TCEANC2: variants seen among roughly 807,000 people sequenced by gnomAD.
TCEANC2 encodes transcription elongation factor A N-terminal and central domain-containing protein 2.
A neutral mutation model predicts 22.8 loss-of-function variants in TCEANC2; 20 were observed. The ratio of observed to expected loss-of-function variants is 0.88; its 90% CI spans 0.62 to 1.28. The LOEUF is 1.28. Among genes scored for constraint, TCEANC2 ranks in the 50% most tolerant of loss-of-function variants. The pLI is 0.00. For missense variants in TCEANC2, 251 were observed against 249.7 expected (o/e 1.01, Z -0.03); for synonymous variants, 84 against 95.5 (o/e 0.88, Z 0.70).
At chr1:54,090,882 C>T (rs12059569) in intron 4 of TCEANC2, among the ~76,000 whole-genome samples, 49 of 152,208 alleles carry the variant, frequency 3.2e-4, no homozygotes, top group African/African-American at 1.0e-3. Context: ...AATAACAAAG[C>T]TATGCTTGTA....
chr1:54,063,614 G>A (rs1207124581), intron 2 of TCEANC2, among the ~76,000 whole-genome samples: 1 of 152,156 alleles, frequency 6.6e-6, no homozygotes, highest in Admixed American at 6.5e-5. Flanking sequence ...GTACCCAAAG[G>A]AAATGCTCAT....
chr1:54,094,281 A>C (rs565306562), intron 4 of TCEANC2, among the ~76,000 whole-genome samples: 2 of 151,924 alleles, frequency 1.3e-5, no homozygotes, highest in Admixed American at 1.3e-4. Context: ...TGTTTTTTCT[A>C]CTTACTTTGG....
intron 3 of TCEANC2, among the ~76,000 whole-genome samples, chr1:54,071,845 T>C (rs1477857522): frequency 2.0e-5 from 3 of 152,128 alleles, no homozygotes; most frequent in Non-Finnish European, 2.9e-5. Context: ...AGGGTCTTTC[T>C]GTGTCACCCA....
chr1:54,093,900 C>T (rs548855767), intron 4 of TCEANC2, among the ~76,000 whole-genome samples: 4 of 152,220 alleles, frequency 2.6e-5, no homozygotes, highest in East Asian at 1.9e-4. Context: ...AGCCTCATAC[C>T]GGGATAAGGA....
chr1:54,109,950 G>GCTCCTCAAGT (rs1658815325), downstream of TCEANC2, among the ~76,000 whole-genome samples: 1 of 152,212 alleles, frequency 6.6e-6, no homozygotes, highest in Admixed American at 6.5e-5. Flanking sequence ...CTTGAGGCCA[G>GCTCCTCAAGT]CTCATAAGGG....
intron 2 of TCEANC2, among the ~76,000 whole-genome samples, chr1:54,056,546 C>T (rs1176252281): frequency 5.3e-5 from 8 of 151,880 alleles, no homozygotes; most frequent in South Asian, 4.2e-4. Context: ...AGGCTGGTCT[C>T]GAACTCCTGA....
At position 54,101,168 on chromosome 1, in the gene TCEANC2, C is replaced by T. The variant is rs1658655852; in HGVS notation, c.*4695C>T. The T allele has an allele frequency of 6.6e-6, 1 of 152,122 alleles. No individual in the cohort carries two copies. The highest frequency in any genetic ancestry group is 2.4e-5 in the African/African-American group (1 of 41,414). The allele number at this position is 152,122 out of a possible 1,614,324, so 9.4% of individuals were successfully genotyped here. On this transcript the variant is annotated 3_prime_UTR_variant, in exon 5 of 5. Coordinates refer to ENST00000234827, the MANE Select transcript of TCEANC2 (RefSeq NM_153035.3). ...GGTTTTCTTTTGCTGTAGCCTCAGG[C>T]CTCAGAACCTTACTCTGAGATTGGT...
intron 3 of TCEANC2, among the ~76,000 whole-genome samples, chr1:54,073,918 T>G (rs1344961040): frequency 6.6e-6 from 1 of 152,136 alleles, no homozygotes; most frequent in Non-Finnish European, 1.5e-5. Flanking sequence ...GGAATGAAGA[T>G]GAAGCAGTGA....
intron 3 of TCEANC2, among the ~76,000 whole-genome samples, chr1:54,071,525 C>G (rs1184577241): frequency 6.6e-6 from 1 of 152,098 alleles, no homozygotes; most frequent in African/African-American, 2.4e-5. Context: ...CAGGAAAGAA[C>G]AAGAAAACAA....
rs114335129 is a variant in TCEANC2 at position 54,079,249 on chromosome 1, A to G, written c.245-9348A>G. ...CTTCTTACAAAGTACTTTCACATCT[A>G]TGACCTTGTTTGATCTATATAACAG... On this transcript the variant is annotated intron_variant, in intron 3 of 4. Coordinates refer to ENST00000234827, the MANE Select transcript of TCEANC2 (RefSeq NM_153035.3). Among the ~76,000 whole-genome samples, 1,068 of 152,280 alleles carry G rather than the reference A, an allele frequency of 7.0e-3. 14 individuals carry two copies. Among genetic ancestry groups the G allele is most frequent in the African/African-American group, 0.024 (1,011 of 41,528 alleles).
chr1:54,055,047 G>T (rs938084643), intron 2 of TCEANC2, among the ~76,000 whole-genome samples: 3 of 152,086 alleles, frequency 2.0e-5, no homozygotes, highest in Non-Finnish European at 2.9e-5. Flanking sequence ...GCACGATCTT[G>T]ACTCACTGCA....
downstream of TCEANC2, among the ~76,000 whole-genome samples, chr1:54,108,448 A>G (rs914433306): frequency 1.3e-5 from 2 of 152,202 alleles, no homozygotes; most frequent in African/African-American, 2.4e-5. Context: ...TGTCCTTATA[A>G]GAAGAGATTA....
In TCEANC2 at chr1:54,102,576, G is replaced by A. The variant is rs2100394648; in HGVS notation, c.*6103G>A. On this transcript the variant is annotated 3_prime_UTR_variant, in exon 5 of 5. Coordinates refer to ENST00000234827, the MANE Select transcript of TCEANC2 (RefSeq NM_153035.3). ...CCTAAGATAGAAATAATACAACTGG[G>A]GTTGGGCATAGCAGGGCCAGAGGGC... The A allele has an allele frequency of 6.6e-6, 1 of 152,434 alleles. No individual in the cohort carries two copies. The highest frequency in any genetic ancestry group is 1.5e-5 in the Non-Finnish European group (1 of 68,108). The allele number at this position is 152,434 out of a possible 1,614,324, so 9.4% of individuals were successfully genotyped here.
intron 4 of TCEANC2, among the ~76,000 whole-genome samples, chr1:54,090,861 A>T (rs1279766298): frequency 1.3e-5 from 2 of 152,198 alleles, no homozygotes; most frequent in African/African-American, 4.8e-5. Flanking sequence ...GTATCTTTTT[A>T]AGTAAATGAT....
chr1:54,053,980 T>C (rs1380919129), intron 1 of TCEANC2: 2 of 186,804 alleles, frequency 1.1e-5, no homozygotes, highest in Non-Finnish European at 2.2e-5. Context: ...GGGCAACCCT[T>C]GGGATTATGG....
chr1:54,070,175 C>T (rs188425672), intron 3 of TCEANC2, among the ~76,000 whole-genome samples: 1 of 152,222 alleles, frequency 6.6e-6, no homozygotes, highest in African/African-American at 2.4e-5. Flanking sequence ...GAATATAAGA[C>T]CCTATCATTG....
intron 2 of TCEANC2, among the ~76,000 whole-genome samples, chr1:54,061,192 T>A (rs1657847249): frequency 6.6e-6 from 1 of 152,216 alleles, no homozygotes; most frequent in Non-Finnish European, 1.5e-5. Flanking sequence ...AATGTGAATG[T>A]TAGAATCAGC....
chr1:54,110,901 C>A (rs115600053), downstream of TCEANC2, among the ~76,000 whole-genome samples: 94 of 152,360 alleles, frequency 6.2e-4, no homozygotes, highest in African/African-American at 2.2e-3. Flanking sequence ...CTCAGAGAGG[C>A]CTACCCTGGC....
intron 3 of TCEANC2, among the ~76,000 whole-genome samples, chr1:54,071,187 T>A (rs191636360): frequency 6.6e-6 from 1 of 152,254 alleles, no homozygotes; most frequent in Admixed American, 6.5e-5. Flanking sequence ...CTGTTTGGTC[T>A]TGGCATATGT....
Sources: allele counts gnomAD v4.1 joint callset (sites outside exome capture counted in the v4.1 genomes callset), GRCh38; gene constraint gnomAD v4.1.1; transcripts MANE v1.5; gene names NCBI Gene and HGNC (gene_info 2026-07-23, HGNC 2026-07-21).